Variants in CCNC observed in about 807,000 individuals in gnomAD.
CCNC encodes the protein cyclin C.
A neutral mutation model predicts 50.0 loss-of-function variants in CCNC; 19 were observed. That is an observed-to-expected ratio of 0.38 (90% confidence interval 0.27 to 0.56). The LOEUF (loss-of-function observed/expected upper bound fraction) is 0.56, where lower values mean the gene tolerates loss of function less well. Ranked by LOEUF, CCNC falls within the 20% of genes least tolerant of loss-of-function variation. The probability of loss-of-function intolerance (pLI) is 0.72; values close to 1 mark genes in which losing one functional copy is unlikely to be tolerated. For missense variants in CCNC, 200 were observed against 327.1 expected, an observed-to-expected ratio of 0.61 and a Z score of 3.00; for synonymous variants, 93 against 103.7, an observed-to-expected ratio of 0.90 and a Z score of 0.63.
rs1401252302 is a variant in CCNC, at chr6:99,543,208, A to G, written c.*347T>C. ...TCCCTCAATGACCAAAGAGAATTTT[A>G]AACAAATTATGCTTCATGTTTCCTG... On this transcript the variant is annotated 3_prime_UTR_variant, in exon 12 of 12. Coordinates refer to ENST00000520429, the MANE Select transcript of CCNC (RefSeq NM_005190.4). The G allele has an allele frequency of 1.2e-5, 2 of 163,424 alleles. No individual in the cohort carries two copies. Among genetic ancestry groups the G allele is most frequent in the Non-Finnish European group, 2.7e-5 (2 of 75,364 alleles). The allele number at this position is 163,424 out of a possible 1,614,324, so 10.1% of individuals were successfully genotyped here.
chr6:99,546,616 T>C, intron 9 of CCNC, 142 bp from the exon 10 acceptor site: 1 of 579,436 alleles, frequency 1.7e-6, no homozygotes, highest in Non-Finnish European at 3.1e-6. Context: ...GAGTTACCAC[T>C]GACCATCTCA....
intron 6 of CCNC, 75 bp downstream of exon 6, chr6:99,551,765 A>C: frequency 1.1e-6 from 1 of 911,864 alleles, no homozygotes; most frequent in Non-Finnish European, 1.5e-6. Flanking sequence ...GAAACTATTA[A>C]ATTTAGTCTA....
At chr6:99,568,720 T>C, upstream of CCNC, 3 of 1,427,530 alleles carry the variant, frequency 2.1e-6, no homozygotes, top group Non-Finnish European at 2.7e-6. Context: ...CACTCAACTG[T>C]GCAAACCCGT....
rs573835421 is a variant in CCNC at position 99,568,619 on chromosome 6, C to G, written c.-92G>C. 3.2e-6 allele frequency: 5 copies of G among 1,563,362 alleles called. No individual in the cohort carries two copies. Among genetic ancestry groups the G allele is most frequent in the Admixed American group, 3.8e-5 (2 of 52,290 alleles). On this transcript the variant is annotated 5_prime_UTR_variant, in exon 1 of 12. Transcript: ENST00000520429. ...CAGCCCGTCCGGTAACCGCGCTCCT[C>G]GATCAAATCAGCTCGGCTCGACTCC... is the stretch of plus-strand genomic sequence containing the variant.
At chr6:99,548,924 A>C (rs1305778245) in intron 9 of CCNC, among the ~76,000 whole-genome samples, 1 of 152,146 alleles carries the variant, frequency 6.6e-6, no homozygotes, top group Non-Finnish European at 1.5e-5. Flanking sequence ...CAAACGGCTC[A>C]GTGGAATTAT....
At chr6:99,549,467 T>G in intron 9 of CCNC, 41 bp downstream of exon 9, 1 of 1,366,980 alleles carries the variant, frequency 7.3e-7, no homozygotes, top group Non-Finnish European at 1.0e-6. Context: ...TAAATAAGTT[T>G]ATAACAATTT....
intron 5 of CCNC, among the ~76,000 whole-genome samples, chr6:99,556,331 A>G (rs1802508573): frequency 6.6e-6 from 1 of 152,154 alleles, no homozygotes; most frequent in Non-Finnish European, 1.5e-5. Flanking sequence ...TGTAAGTGTA[A>G]TCACACAATA....
chr6:99,554,688 C>T (rs1802442779), intron 5 of CCNC, among the ~76,000 whole-genome samples: 1 of 152,086 alleles, frequency 6.6e-6, no homozygotes, highest in South Asian at 2.1e-4. Flanking sequence ...GTTTTGAATA[C>T]TTCTTTATTA....
chr6:99,564,401 G>A (rs1769024277), intron 1 of CCNC, among the ~76,000 whole-genome samples: 1 of 148,556 alleles, frequency 6.7e-6, no homozygotes, highest in African/African-American at 2.5e-5. Context: ...CTCCAGCCTG[G>A]GGTACAGAGT....
At chr6:99,547,001 T>G (rs1802096535) in intron 9 of CCNC, among the ~76,000 whole-genome samples, 1 of 152,206 alleles carries the variant, frequency 6.6e-6, no homozygotes, top group Non-Finnish European at 1.5e-5. Flanking sequence ...GAATTCAGTG[T>G]TGTAATCAAA....
At chr6:99,568,471 G>C in intron 1 of CCNC, 25 bp downstream of exon 1, 1 of 1,609,802 alleles carries the variant, frequency 6.2e-7, no homozygotes, top group Non-Finnish European at 8.5e-7. Flanking sequence ...ACCGGCCCCA[G>C]GTGAGAAGAC....
intron 4 of CCNC, 97 bp downstream of exon 4, chr6:99,561,270 C>A: frequency 1.3e-6 from 1 of 796,028 alleles, no homozygotes; most frequent in Non-Finnish European, 2.2e-6. Context: ...GCATAAATTA[C>A]CATTTATTAA....
intron 5 of CCNC, 171 bp downstream of exon 5, chr6:99,558,325 AC>A: frequency 2.2e-6 from 2 of 907,950 alleles, no homozygotes; most frequent in Admixed American, 3.8e-5. Flanking sequence ...TTAAAAAAAA[AC>A]CTTTTAGCTT....
At chr6:99,558,449 C>T in intron 5 of CCNC, 48 bp downstream of exon 5, 2 of 1,600,450 alleles carry the variant, frequency 1.2e-6, no homozygotes, top group South Asian at 1.1e-5. Flanking sequence ...TACTCTGGAG[C>T]TTTCTTTAGA....
At chr6:99,549,288 C>CTCA (rs1562488472) in intron 9 of CCNC, 26 of 487,794 alleles carry the variant, frequency 5.3e-5, no homozygotes, top group Non-Finnish European at 7.9e-5. Flanking sequence ...TGAATGGTTT[C>CTCA]AAAAAAAAAA....
chr6:99,544,244 G>A (rs1801985648), intron 11 of CCNC: 2 of 1,534,766 alleles, frequency 1.3e-6, no homozygotes, highest in South Asian at 1.2e-5. Context: ...TTCAGGCCCT[G>A]CCACTAGTGG....
intron 2 of CCNC, 137 bp from the exon 3 acceptor site, chr6:99,561,818 T>A (rs1802793061): frequency 3.6e-6 from 2 of 560,576 alleles, no homozygotes; most frequent in South Asian, 2.8e-5. Context: ...ATGCTCTATG[T>A]GAGTCACAGT....
rs1354009528 is a variant in CCNC, at chr6:99,561,781, AT to A, written c.140-101del. ...ATGTGGTTAAATCATAATTATGTTCATTTTTAACAAAGGAAAAAACCTACAC... is the reference window on the plus strand; with the variant it reads ...ATGTGGTTAAATCATAATTATGTTCATTTTAACAAAGGAAAAAACCTACAC... On this transcript the variant is annotated intron_variant, in intron 2 of 11. Transcript: ENST00000520429. 4 of 764,110 alleles carry A rather than the reference AT, an allele frequency of 5.2e-6. No individual in the cohort carries two copies. In the Admixed American group the frequency reaches 1.0e-4, roughly 19 times the overall value. The allele number at this position is 764,110 out of a possible 1,614,324, so 47.3% of individuals were successfully genotyped here.
At chr6:99,546,951 C>A (rs1466195011) in intron 9 of CCNC, among the ~76,000 whole-genome samples, 1 of 152,094 alleles carries the variant, frequency 6.6e-6, no homozygotes, top group African/African-American at 2.4e-5. Context: ...TCATTATTAG[C>A]ACATGATCAA....
Sources: allele counts gnomAD v4.1 joint callset (sites outside exome capture counted in the v4.1 genomes callset), GRCh38; gene constraint gnomAD v4.1.1; transcripts MANE v1.5; gene names NCBI Gene and HGNC (gene_info 2026-07-23, HGNC 2026-07-21).